Variants in CDH13 observed in about 807,000 individuals in gnomAD.
CDH13 encodes the protein cadherin 13.
In CDH13, 24 loss-of-function variants were observed where a neutral mutation model predicts 63.8. The observed-to-expected ratio is 0.38, with a 90% CI of 0.27 to 0.53. The LOEUF (loss-of-function observed/expected upper bound fraction) is 0.53, where lower values mean the gene tolerates loss of function less well. CDH13 is among the 20% of genes least tolerant of loss of function. The probability of loss-of-function intolerance (pLI) is 0.85; values close to 1 mark genes in which losing one functional copy is unlikely to be tolerated. For synonymous variants in CDH13, 503 were observed against 355.3 expected, an observed-to-expected ratio of 1.42 and a Z score of -4.67; for missense variants, 1,049 against 903.1, an observed-to-expected ratio of 1.16 and a Z score of -2.07.
chr16:83,679,704 T>C (rs1019694798), intron 10 of CDH13, among the ~76,000 whole-genome samples: 7 of 152,162 alleles, frequency 4.6e-5, no homozygotes, highest in East Asian at 1.9e-4. Flanking sequence ...AGTACTTAGA[T>C]GGGAAAACTC....
At chr16:83,475,706 C>T (rs1015714198) in intron 6 of CDH13, among the ~76,000 whole-genome samples, 9 of 152,136 alleles carry the variant, frequency 5.9e-5, no homozygotes, top group African/African-American at 1.9e-4. Context: ...CTCAGCCTCC[C>T]CAGTAACTAG....
chr16:83,791,522 T>C (rs911950012), intron 13 of CDH13, among the ~76,000 whole-genome samples: 1 of 151,098 alleles, frequency 6.6e-6, no homozygotes, highest in Non-Finnish European at 1.5e-5. Context: ...AAATAAAATA[T>C]GCATGCCTGG....
intron 1 of CDH13, among the ~76,000 whole-genome samples, chr16:82,811,114 T>C (rs1416056135): frequency 6.6e-6 from 1 of 152,182 alleles, no homozygotes; most frequent in Non-Finnish European, 1.5e-5. Flanking sequence ...GAATTTGTCA[T>C]AGATTAATAG....
chr16:82,806,891 A>C (rs1223904514), intron 1 of CDH13, among the ~76,000 whole-genome samples: 1 of 152,194 alleles, frequency 6.6e-6, no homozygotes, highest in Non-Finnish European at 1.5e-5. Context: ...ATTTGCAAAG[A>C]ATAATATGCT....
At chr16:82,943,099 T>C (rs1430659565) in intron 2 of CDH13, among the ~76,000 whole-genome samples, 2 of 152,244 alleles carry the variant, frequency 1.3e-5, no homozygotes, top group African/African-American at 4.8e-5. Context: ...AATTGCACTT[T>C]GGAATCGTAT....
chr16:83,340,722 G>A (rs768442502), intron 5 of CDH13, among the ~76,000 whole-genome samples: 24 of 152,132 alleles, frequency 1.6e-4, no homozygotes, highest in Non-Finnish European at 2.8e-4. Context: ...GAATAGCAAG[G>A]TACTAGAACA....
intron 2 of CDH13, among the ~76,000 whole-genome samples, chr16:83,009,755 C>G (rs1189639255): frequency 5.3e-5 from 8 of 152,148 alleles, no homozygotes. Context: ...ATTATGCCAT[C>G]TAGGAAATTA....
chr16:83,602,131 A>ACC (rs1907893726), intron 7 of CDH13, among the ~76,000 whole-genome samples: 2 of 100,568 alleles, frequency 2.0e-5, no homozygotes, highest in Non-Finnish European at 4.0e-5. Context: ...AAAAAAAAAA[A>ACC]AAAAAAAAAA....
intron 1 of CDH13, among the ~76,000 whole-genome samples, chr16:82,800,473 A>C (rs2036796493): frequency 6.6e-6 from 1 of 152,208 alleles, no homozygotes; most frequent in Non-Finnish European, 1.5e-5. Flanking sequence ...TCAGGGAGTG[A>C]GTCTTAGAAG....
chr16:82,880,861 A>G (rs971457490), intron 2 of CDH13, among the ~76,000 whole-genome samples: 8 of 152,260 alleles, frequency 5.3e-5, no homozygotes, highest in African/African-American at 1.9e-4. Flanking sequence ...GAGGGAATTC[A>G]TACTGAGAAC....
At chr16:83,609,213 C>T (rs574463795) in intron 8 of CDH13, among the ~76,000 whole-genome samples, 17 of 152,194 alleles carry the variant, frequency 1.1e-4, no homozygotes, top group African/African-American at 3.9e-4. Flanking sequence ...AACACAAATT[C>T]GTAAACTTTC....
At chr16:83,445,079 T>C (rs1287074369) in intron 6 of CDH13, among the ~76,000 whole-genome samples, 1 of 152,042 alleles carries the variant, frequency 6.6e-6, no homozygotes, top group Admixed American at 6.6e-5. Flanking sequence ...TATTCTTAAT[T>C]TTTGATATTT....
chr16:83,171,650 G>C (rs1042957803), intron 4 of CDH13: 13 of 1,173,228 alleles, frequency 1.1e-5, no homozygotes, highest in African/African-American at 1.1e-4. Context: ...TATGCCATCA[G>C]GGGATTTAGT....
intron 2 of CDH13, among the ~76,000 whole-genome samples, chr16:82,921,313 C>T (rs1341328278): frequency 6.6e-6 from 1 of 152,320 alleles, no homozygotes; most frequent in African/African-American, 2.4e-5. Flanking sequence ...CTTCTTCCAG[C>T]TTCTGGTGGC....
intron 5 of CDH13, among the ~76,000 whole-genome samples, chr16:83,339,711 C>T (rs931959460): frequency 1.3e-5 from 2 of 152,146 alleles, no homozygotes; most frequent in African/African-American, 4.8e-5. Flanking sequence ...AGATGTCCCC[C>T]ACCTCCAGCA....
intron 1 of CDH13, among the ~76,000 whole-genome samples, chr16:82,799,180 T>A (rs541663872): frequency 2.2e-4 from 34 of 152,310 alleles, no homozygotes; most frequent in African/African-American, 7.5e-4. Flanking sequence ...GCCATGATGT[T>A]TGTAAGGGGG....
At chr16:83,337,546 A>G (rs1377336373) in intron 5 of CDH13, among the ~76,000 whole-genome samples, 1 of 147,984 alleles carries the variant, frequency 6.8e-6, no homozygotes, top group African/African-American at 2.5e-5. Flanking sequence ...TAAACAAATT[A>G]GAGGTGATTT....
At chr16:83,564,278 C>A (rs2075754863) in intron 7 of CDH13, among the ~76,000 whole-genome samples, 1 of 151,358 alleles carries the variant, frequency 6.6e-6, no homozygotes, top group Non-Finnish European at 1.5e-5. Context: ...GGCAGGCAAG[C>A]AAGTAATCAG....
At chr16:83,044,780 C>T (rs947174843) in intron 3 of CDH13, among the ~76,000 whole-genome samples, 5 of 152,124 alleles carry the variant, frequency 3.3e-5, no homozygotes, top group African/African-American at 1.2e-4. Flanking sequence ...GCAGCCAGTG[C>T]GGCCATCCAC....
Sources: allele counts gnomAD v4.1 joint callset (sites outside exome capture counted in the v4.1 genomes callset), GRCh38; gene constraint gnomAD v4.1.1; transcripts MANE v1.5; gene names NCBI Gene and HGNC (gene_info 2026-07-23, HGNC 2026-07-21).